The following CAD variants were observed in gnomAD, a reference collection of about 807,000 sequenced individuals.
CAD encodes carbamoyl-phosphate synthetase 2, aspartate transcarbamylase, and dihydroorotase.
Under a neutral mutation model 237.2 loss-of-function variants are expected in CAD, and 81 were observed. The observed-to-expected ratio is 0.34, with a 90% confidence interval of 0.29 to 0.41. The LOEUF (loss-of-function observed/expected upper bound fraction) is 0.41, where lower values mean the gene tolerates loss of function less well. Ranked by LOEUF, CAD falls within the 10% of genes least tolerant of loss-of-function variation. The pLI is 1.00. For missense variants in CAD, 2,181 were observed against 2,951.7 expected (o/e 0.74, Z 6.05); for synonymous variants, 1,196 against 1,162.8 (o/e 1.03, Z -0.58).
rs1020054183 is a variant in CAD, at chr2:27,232,789, T to A, written c.2892+95T>A. On this transcript the variant is annotated intron_variant, in intron 18 of 43. Transcript: ENST00000264705. This position sits in a 1 kb window ranked among gnomAD's most constrained non-coding sequence, Gnocchi z 4.1. ...TCCTGGCATTTCCTATTAATTGCCG[T>A]CCCTTACTTTGGTCATAGAGCTTTG... is the stretch of plus-strand genomic sequence containing the variant. 2 of 1,491,920 alleles carry A rather than the reference T, an allele frequency of 1.3e-6. No individual in the cohort carries two copies. Among genetic ancestry groups the A allele is most frequent in the African/African-American group, 2.8e-5 (2 of 72,470 alleles). The allele number at this position is 1,491,920 out of a possible 1,614,324, so 92.4% of individuals were successfully genotyped here. A position where few individuals can be genotyped will look rare whatever the true frequency, so the allele number is the denominator to read the frequency against.
At chr2:27,231,901 G>A (rs1336716525) in intron 16 of CAD, 79 bp from the exon 17 acceptor site, 62 of 1,559,686 alleles carry the variant, frequency 4.0e-5, no homozygotes, top group Non-Finnish European at 4.8e-5. Context: ...TCCCCTTCCT[G>A]AGACAAGAGC....
intron 1 of CAD, 88 bp from the exon 2 acceptor site, chr2:27,217,789 A>G: frequency 6.7e-7 from 1 of 1,491,894 alleles, no homozygotes; most frequent in Non-Finnish European, 9.0e-7. Context: ...CCTCGCGACC[A>G]AGGCAGCCTC....
intron 42 of CAD, 76 bp from the exon 43 acceptor site, chr2:27,243,112 GAGGGGACCCC>G: frequency 4.9e-6 from 7 of 1,422,112 alleles, no homozygotes; most frequent in Non-Finnish European, 5.9e-6. Context: ...TGTGGGTGTG[GAGGGGACCCC>G]AGTGGAGCCC....
chr2:27,229,794 T>G (rs538933997), intron 15 of CAD, among the ~76,000 whole-genome samples: 2 of 150,062 alleles, frequency 1.3e-5, no homozygotes, highest in Admixed American at 1.3e-4. Flanking sequence ...GAGAATCGCT[T>G]GACCTCAGGA....
chr2:27,231,667 C>G, intron 16 of CAD, 87 bp downstream of exon 16: 1 of 807,448 alleles, frequency 1.2e-6, no homozygotes, highest in South Asian at 1.6e-5. Context: ...ACCAGTAACA[C>G]TAGCAGCAGT....
Position 27,217,642 on chromosome 2 carries a change from G to A in CAD, c.82+9G>A, listed in dbSNP as rs1674929370. The A allele has an allele frequency of 6.3e-7, 1 of 1,598,144 alleles. No homozygotes were observed. Among genetic ancestry groups the A allele is most frequent in the South Asian group, 1.1e-5 (1 of 88,930 alleles). ...GACTGCCGGGGAAGTGGGTAAGCAA[G>A]CCCGGTTAGGCTGCAGACCTTATCC... On this transcript the variant is annotated intron_variant, in intron 1 of 43. Transcript: ENST00000264705.
Position 27,241,470 on chromosome 2 carries a change from T to C in CAD, c.5883+74T>C. ...GCCGCATCAGCGCAGGGCCGCGCAG[T>C]GGTCAGAGTGGGTCTTCCTCCCCCT... On this transcript the variant is annotated intron_variant, in intron 38 of 43. Coordinates refer to ENST00000264705, the MANE Select transcript of CAD (RefSeq NM_004341.5). This position sits in a 1 kb window ranked among gnomAD's most constrained non-coding sequence, Gnocchi z 4.6. 7.1e-7 allele frequency: 1 copy of C among 1,405,224 alleles called. No homozygotes were observed. The highest frequency in any genetic ancestry group is 1.0e-6 in the Non-Finnish European group (1 of 992,840). 87.0% of individuals were successfully genotyped at this position (1,405,224 alleles called of 1,614,324 possible).
At chr2:27,221,069 T>C in intron 2 of CAD, 149 bp from the exon 3 acceptor site, 1 of 492,468 alleles carries the variant, frequency 2.0e-6, no homozygotes, top group Non-Finnish European at 3.4e-6. Flanking sequence ...TGTTGGTAAA[T>C]GGAAATACCT....
rs766569440 is a variant in CAD at position 27,225,797 on chromosome 2, G to C, written c.1713G>C (p.Arg571Ser). 11 of 1,613,988 alleles carry C rather than the reference G, an allele frequency of 6.8e-6. No homozygotes were observed. The African/African-American group carries it at 1.5e-4, about 22-fold the overall frequency. The change falls in exon 12 of 44, where the codon AGG (arginine) becomes AGC (serine). Residue 571 changes from arginine to serine, a missense_variant. Transcript: ENST00000264705. ...TGGGCTCTGGCTTTGCCTCTAACAG[G>C]GAGGAGCTCTCTGCTCTCGTGGCCC... is the stretch of plus-strand genomic sequence containing the variant. Reference protein sequence around the residue: ...GGLGSGFASNREELSALVAPA... With the variant: ...GGLGSGFASNSEELSALVAPA...
In CAD at chr2:27,233,966, A is replaced by G. The variant is rs1209280124; in HGVS notation, c.3400-42A>G. 3.2e-6 allele frequency: 5 copies of G among 1,585,610 alleles called. No individual in the cohort carries two copies. Among genetic ancestry groups the G allele is most frequent in the Non-Finnish European group, 4.3e-6 (5 of 1,158,278 alleles). ...AGACAATCCTAGAGTAAGTGAGAGA[A>G]GAAAGTGGCCCTATGTCCCACTGTC... On this transcript the variant is annotated intron_variant, in intron 21 of 43. Transcript: ENST00000264705. The surrounding 1 kb of genome is among the most constrained non-coding windows in gnomAD (Gnocchi z 6.3).
chr2:27,239,070 G>A lies in CAD; in HGVS notation c.5091G>A (p.Gly1697=). The change falls in exon 32 of 44, where the codon GGG becomes GGA. Residue 1697 remains glycine (G), a synonymous_variant. Coordinates refer to ENST00000264705, the MANE Select transcript of CAD (RefSeq NM_004341.5). The surrounding 1 kb of genome is among the most constrained non-coding windows in gnomAD (Gnocchi z 4.0). ...HAPHTLEEKC[G]SRPPPGFPGL... Reference sequence around the variant, plus strand: ...CCCATACCTTGGAGGAGAAGTGTGGGTCCAGGCCCCCACCTGGGTTCCCAG... The same window carrying A: ...CCCATACCTTGGAGGAGAAGTGTGGATCCAGGCCCCCACCTGGGTTCCCAG... 1.3e-6 allele frequency: 2 copies of A among 1,588,476 alleles called. No individual in the cohort carries two copies. Among genetic ancestry groups the A allele is most frequent in the Middle Eastern group, 1.7e-4 (1 of 5,922 alleles).
chr2:27,233,859 A>C lies in CAD; in HGVS notation c.3399+51A>C, dbSNP rs1211632488. ...TCTGAGGGCATGCTGCCAGCCCTGG[A>C]GGAGACTTCCTTCTCTGGTCCAGCA... On this transcript the variant is annotated intron_variant, in intron 21 of 43. Coordinates refer to ENST00000264705, the MANE Select transcript of CAD (RefSeq NM_004341.5). The surrounding 1 kb of genome is among the most constrained non-coding windows in gnomAD (Gnocchi z 6.3). 1 of 1,595,954 alleles carries C rather than the reference A, an allele frequency of 6.3e-7. No homozygotes were observed. The highest frequency in any genetic ancestry group is 2.2e-5 in the East Asian group (1 of 44,750).
chr2:27,226,254 A>T lies in CAD; in HGVS notation c.1966A>T (p.Thr656Ser). 6.2e-7 allele frequency: 1 copy of T among 1,614,138 alleles called. No individual in the cohort carries two copies. Among genetic ancestry groups the T allele is most frequent in the Non-Finnish European group, 8.5e-7 (1 of 1,179,992 alleles). ...CCTGAGGCAGACAGCTATCAAGGTG[A>T]CCCAGCACCTGGGAATTGTTGGGGA... ...QLLRQTAIKV[T>S]QHLGIVGECN... is the part of the protein sequence containing the mutation. Residue 656 changes from threonine to serine, a missense_variant, in exon 13 of 44, where the codon ACC becomes TCC. By Grantham distance (58) the Thr-to-Ser change is moderately conservative. Transcript: ENST00000264705.
chr2:27,219,045 G>A (rs189989406), intron 2 of CAD, among the ~76,000 whole-genome samples: 1 of 152,296 alleles, frequency 6.6e-6, no homozygotes, highest in East Asian at 1.9e-4. Context: ...CATCACCTTT[G>A]TCAACTCTAG....
At position 27,239,861 on chromosome 2, in the gene CAD, G is replaced by A. The variant is rs1238095126; in HGVS notation, c.5496+63G>A. 2 of 1,189,982 alleles carry A rather than the reference G, an allele frequency of 1.7e-6. No individual in the cohort carries two copies. The highest frequency in any genetic ancestry group is 3.1e-5 in the African/African-American group (2 of 65,182). 73.7% of individuals were successfully genotyped at this position (1,189,982 alleles called of 1,614,324 possible). On this transcript the variant is annotated intron_variant, in intron 34 of 43. Coordinates refer to ENST00000264705, the MANE Select transcript of CAD (RefSeq NM_004341.5). This position sits in a 1 kb window ranked among gnomAD's most constrained non-coding sequence, Gnocchi z 4.0. ...AGTCTCAGGGCAGGATGAACAGCTT[G>A]AACATTTTCATTGGTGGTTCAGGAA...
At position 27,218,046 on chromosome 2, in the gene CAD, C is replaced by T. The variant is rs547769260; in HGVS notation, c.222+30C>T. 13 of 1,555,216 alleles carry T rather than the reference C, an allele frequency of 8.4e-6. No homozygotes were observed. The South Asian group carries it at 1.2e-4, about 14-fold the overall frequency. ...CCACACCCAGTGCTTTCTCTACATT[C>T]CTTTTCAAGTCAGTAATTGTTAACT... On this transcript the variant is annotated intron_variant, in intron 2 of 43. Transcript: ENST00000264705.
rs868470139 is a variant in CAD, at chr2:27,236,342, G to A, written c.4133G>A (p.Arg1378Gln). 5 of 1,614,188 alleles carry A rather than the reference G, an allele frequency of 3.1e-6. No individual in the cohort carries two copies. Among genetic ancestry groups the A allele is most frequent in the Non-Finnish European group, 2.5e-6 (3 of 1,180,040 alleles). The change falls in exon 26 of 44, where the codon CGG (arginine) becomes CAG (glutamine). Residue 1378 changes from arginine (R) to glutamine (Q), a missense_variant. Physicochemically the swap from Arg to Gln is conservative, Grantham distance 43 (BLOSUM62 1). Coordinates refer to ENST00000264705, the MANE Select transcript of CAD (RefSeq NM_004341.5). This position sits in a 1 kb window ranked among gnomAD's most constrained non-coding sequence, Gnocchi z 4.1. ...EAVDGECPPQ[R>Q]SILEQLAEKN... ...GTGGATGGTGAGTGCCCACCACAGC[G>A]GAGCATCCTGGAGCAGCTAGCTGAG...
rs1224791390 is a variant in CAD, at chr2:27,241,402, G to C, written c.5883+6G>C. 1.2e-6 allele frequency: 2 copies of C among 1,614,108 alleles called. No individual in the cohort carries two copies. The highest frequency in any genetic ancestry group is 1.7e-6 in the Non-Finnish European group (2 of 1,179,942). The stretch of plus-strand genomic sequence containing the variant: ...GGAGCCTCGACATCCTGAAGGTCAG[G>C]ATCAGGGCCGGGGGTAGGGTCCAGG... On this transcript the variant is annotated splice_donor_region_variant and intron_variant, in intron 38 of 43. Transcript: ENST00000264705. This position sits in a 1 kb window ranked among gnomAD's most constrained non-coding sequence, Gnocchi z 4.6.
rs762662224 is a variant in CAD at position 27,241,107 on chromosome 2, G to A, written c.5688G>A (p.Pro1896=). ...DGTCYPPPPV[P]RQASPQNLGT... ...CCTGCTACCCTCCACCACCAGTACC[G>A]AGACAGGCATCTCCCCAGAACCTGG... The change falls in exon 37 of 44, where the codon CCG becomes CCA. Residue 1896 remains proline, a synonymous_variant. Coordinates refer to ENST00000264705, the MANE Select transcript of CAD (RefSeq NM_004341.5). The surrounding 1 kb of genome is among the most constrained non-coding windows in gnomAD (Gnocchi z 4.6). The A allele has an allele frequency of 2.9e-5, 47 of 1,609,172 alleles. No individual in the cohort carries two copies. Among genetic ancestry groups the A allele is most frequent in the Non-Finnish European group, 3.7e-5 (44 of 1,177,876 alleles).
Sources: gnomAD v4.1 joint callset for allele counts (sites outside exome capture counted in the v4.1 genomes callset) on GRCh38, gnomAD v4.1.1 for gene constraint, Gnocchi (gnomAD v3.1) non-coding constraint, MANE v1.5 for transcripts, NCBI Gene and HGNC (gene_info 2026-07-23, HGNC 2026-07-21) for gene names.